The following RCAN2 variants were observed in gnomAD, a reference collection of about 807,000 sequenced individuals.
RCAN2 encodes regulator of calcineurin 2.
RCAN2 carries 9 observed loss-of-function variants against 23.6 expected under a neutral mutation model. The ratio of observed to expected loss-of-function variants is 0.38; its 90% CI spans 0.23 to 0.67. The LOEUF is 0.67. Ranked by LOEUF, RCAN2 falls within the 30% of genes least tolerant of loss-of-function variation. The pLI, the probability that RCAN2 is intolerant of heterozygous loss-of-function variation, is 0.51. For synonymous variants in RCAN2, 109 were observed against 115.7 expected, an observed-to-expected ratio of 0.94 and a Z score of 0.37; for missense variants, 273 against 302.3, an observed-to-expected ratio of 0.90 and a Z score of 0.72.
At chr6:46,359,696 C>T (rs535516386) in intron 2 of RCAN2, among the ~76,000 whole-genome samples, 1 of 152,202 alleles carries the variant, frequency 6.6e-6, no homozygotes, top group East Asian at 1.9e-4. Context: ...AAAAGACAAC[C>T]ATTAAGAACG....
rs1639716290 is a variant in RCAN2 at position 46,222,158 on chromosome 6, T to A, written c.*983A>T. ...GTCCTTTCAAAATTCAGCATTATCC[T>A]TATTAGAGTGTAATATTATCAGAGT... On this transcript the variant is annotated 3_prime_UTR_variant, in exon 5 of 5. Coordinates refer to ENST00000371374, the MANE Select transcript of RCAN2 (RefSeq NM_001251974.2). 2 of 395,314 alleles carry A rather than the reference T, an allele frequency of 5.1e-6. No individual in the cohort carries two copies. The highest frequency in any genetic ancestry group is 8.9e-6 in the Non-Finnish European group (2 of 224,142). 24.5% of individuals were successfully genotyped at this position (395,314 alleles called of 1,614,324 possible).
At chr6:46,406,562 A>T (rs1169318609) in intron 2 of RCAN2, among the ~76,000 whole-genome samples, 2 of 152,200 alleles carry the variant, frequency 1.3e-5, no homozygotes, top group African/African-American at 2.4e-5. Context: ...AAGGACAGCT[A>T]TTTGAATTTT....
chr6:46,254,928 A>C (rs1487935325), intron 2 of RCAN2, among the ~76,000 whole-genome samples: 1 of 152,236 alleles, frequency 6.6e-6, no homozygotes, highest in African/African-American at 2.4e-5. Flanking sequence ...AAATATTGCT[A>C]GCAAACCACC....
At chr6:46,274,801 C>A (rs768803654) in intron 2 of RCAN2, among the ~76,000 whole-genome samples, 3 of 152,158 alleles carry the variant, frequency 2.0e-5, no homozygotes, top group Non-Finnish European at 4.4e-5. Flanking sequence ...GGAAGAACCA[C>A]CAAGTACTTT....
At chr6:46,269,744 A>G (rs1767463601) in intron 2 of RCAN2, among the ~76,000 whole-genome samples, 1 of 152,200 alleles carries the variant, frequency 6.6e-6, no homozygotes, top group Non-Finnish European at 1.5e-5. Context: ...GTCAGGATCA[A>G]CACCTGTGGA....
chr6:46,393,482 G>A lies in RCAN2; in HGVS notation c.225+63270C>T, dbSNP rs538399464. ...CCTTTGTCAGATCTTCTGTCCCAGG[G>A]GAAACGGTGGGATGAGGGGCATTTC... On this transcript the variant is annotated intron_variant, in intron 2 of 4. Coordinates refer to ENST00000371374, the MANE Select transcript of RCAN2 (RefSeq NM_001251974.2). Among the ~76,000 whole-genome samples the A allele has an allele frequency of 3.3e-5, 5 of 152,248 alleles. No individual in the cohort carries two copies. The South Asian group carries it at 1.0e-3, about 32-fold the overall frequency.
chr6:46,446,258 G>A (rs1039495351), intron 2 of RCAN2, among the ~76,000 whole-genome samples: 3 of 149,040 alleles, frequency 2.0e-5, no homozygotes, highest in South Asian at 4.4e-4. Flanking sequence ...AGAAGAGAGT[G>A]GGATAATATA....
chr6:46,432,838 C>T (rs998142419), intron 2 of RCAN2, among the ~76,000 whole-genome samples: 1 of 152,132 alleles, frequency 6.6e-6, no homozygotes, highest in Admixed American at 6.5e-5. Context: ...AATGGTAGTA[C>T]ATCTGACTCC....
intron 2 of RCAN2, among the ~76,000 whole-genome samples, chr6:46,428,378 A>AT (rs1283402818): frequency 6.6e-6 from 1 of 152,096 alleles, no homozygotes. Flanking sequence ...CACATTATGT[A>AT]TTTTTTTATG....
chr6:46,314,834 G>A (rs1057166495), intron 2 of RCAN2, among the ~76,000 whole-genome samples: 1 of 152,182 alleles, frequency 6.6e-6, no homozygotes, highest in African/African-American at 2.4e-5. Flanking sequence ...GCCTAGGCAG[G>A]CAGATCGCTT....
chr6:46,224,887 TGTTAACTC>T lies in RCAN2; in HGVS notation c.572-1594_572-1587del, dbSNP rs551930457. Among the ~76,000 whole-genome samples the T allele has an allele frequency of 1.0e-3, 153 of 152,220 alleles. 1 individual carries two copies. Among genetic ancestry groups the T allele is most frequent in the African/African-American group, 3.5e-3 (146 of 41,550 alleles). ...ATGTGCCATGTTGGTGTGCTACACC[TGTTAACTC>T]GTCATTTACATATCTCCTAATGCTA... On this transcript the variant is annotated intron_variant, in intron 4 of 4. Transcript: ENST00000371374.
At chr6:46,418,647 T>G (rs1766777086) in intron 2 of RCAN2, among the ~76,000 whole-genome samples, 1 of 149,916 alleles carries the variant, frequency 6.7e-6, no homozygotes, top group Non-Finnish European at 1.5e-5. Context: ...TTCCAGGAAT[T>G]TTATCGGCTG....
chr6:46,287,347 C>T (rs181652582), intron 2 of RCAN2, among the ~76,000 whole-genome samples: 165 of 152,294 alleles, frequency 1.1e-3, no homozygotes, highest in African/African-American at 3.8e-3. Flanking sequence ...CAAACACTTA[C>T]GTAGCCCAGT....
At position 46,418,695 on chromosome 6, in the gene RCAN2, G is replaced by GTATATATATATATATA. The variant is rs70996369; in HGVS notation, c.225+38041_225+38056dup. ...AATCATCTCTAAAATATGTGTGTGT[G>GTATATATATATATATA]TATATATATATATATATATATATAT... On this transcript the variant is annotated intron_variant, in intron 2 of 4. Transcript: ENST00000371374. Among the ~76,000 whole-genome samples the GTATATATATATATATA allele has an allele frequency of 5.8e-4, 70 of 121,336 alleles. 1 individual carries two copies. The highest frequency in any genetic ancestry group is 2.3e-3 in the South Asian group (8 of 3,412). 79.6% of individuals were successfully genotyped at this position (121,336 alleles called of 152,430 possible).
intron 2 of RCAN2, among the ~76,000 whole-genome samples, chr6:46,291,671 C>A (rs1762566966): frequency 6.6e-6 from 1 of 151,868 alleles, no homozygotes. Context: ...GACAAGATCA[C>A]CCTTACTTAG....
At chr6:46,386,224 C>T (rs188908625) in intron 2 of RCAN2, among the ~76,000 whole-genome samples, 2 of 152,214 alleles carry the variant, frequency 1.3e-5, no homozygotes, top group Non-Finnish European at 2.9e-5. Context: ...TGAACAGACA[C>T]TTCTCAAAAG....
chr6:46,349,527 T>C (rs1414130007), intron 2 of RCAN2, among the ~76,000 whole-genome samples: 1 of 151,748 alleles, frequency 6.6e-6, no homozygotes, highest in Non-Finnish European at 1.5e-5. Flanking sequence ...CGTATTTCTA[T>C]GTAACAAACC....
chr6:46,443,176 G>A (rs1767603098), intron 2 of RCAN2, among the ~76,000 whole-genome samples: 1 of 152,218 alleles, frequency 6.6e-6, no homozygotes, highest in East Asian at 1.9e-4. Flanking sequence ...AAATTCCTAA[G>A]TATTCCTTAT....
At chr6:46,334,499 G>A (rs1449429475) in intron 2 of RCAN2, among the ~76,000 whole-genome samples, 2 of 152,212 alleles carry the variant, frequency 1.3e-5, no homozygotes, top group Non-Finnish European at 2.9e-5. Flanking sequence ...AAAGGAGAGT[G>A]AACCTGAGAA....
Sources: gnomAD v4.1 joint callset for allele counts (sites outside exome capture counted in the v4.1 genomes callset) on GRCh38, gnomAD v4.1.1 for gene constraint, MANE v1.5 for transcripts, NCBI Gene and HGNC (gene_info 2026-07-23, HGNC 2026-07-21) for gene names.